The following MYO1E variants were observed in gnomAD, a reference collection of about 807,000 sequenced individuals.
MYO1E encodes unconventional myosin-Ie.
A neutral mutation model predicts 151.1 loss-of-function variants in MYO1E; 68 were observed. That is an observed-to-expected ratio of 0.45 (90% CI 0.37 to 0.55). MYO1E has a LOEUF of 0.55. Ranked by LOEUF, MYO1E falls within the 20% of genes least tolerant of loss-of-function variation. The pLI is 0.00. For missense variants in MYO1E, 1,363 were observed against 1,389.3 expected (o/e 0.98, Z 0.30); for synonymous variants, 601 against 501.7 (o/e 1.20, Z -2.64).
At chr15:59,301,840 G>C (rs2080484554) in intron 1 of MYO1E, among the ~76,000 whole-genome samples, 1 of 152,154 alleles carries the variant, frequency 6.6e-6, no homozygotes, top group Non-Finnish European at 1.5e-5. Context: ...TAGAGAACGG[G>C]AAAGCTAACC....
chr15:59,207,184 A>C (rs141146628), intron 14 of MYO1E: 6 of 1,614,236 alleles, frequency 3.7e-6, no homozygotes, highest in Admixed American at 1.7e-5. Flanking sequence ...ATCGGTGGGC[A>C]TGGCCTGCGC....
chr15:59,365,124 G>C (rs1471733218), intron 1 of MYO1E, among the ~76,000 whole-genome samples: 1 of 151,026 alleles, frequency 6.6e-6, no homozygotes, highest in Non-Finnish European at 1.5e-5. Flanking sequence ...GGTTCAAGCA[G>C]TTCTCCTGCC....
chr15:59,190,436 C>T (rs2079725992), intron 17 of MYO1E, among the ~76,000 whole-genome samples: 1 of 152,194 alleles, frequency 6.6e-6, no homozygotes. Flanking sequence ...GCTGTCTTCC[C>T]AGTAAGGCTC....
intron 2 of MYO1E, among the ~76,000 whole-genome samples, chr15:59,269,263 G>A (rs539323662): frequency 6.6e-6 from 1 of 152,170 alleles, no homozygotes; most frequent in South Asian, 2.1e-4. Context: ...GCCTTATGTG[G>A]GAGATTTTAT....
At chr15:59,262,935 TCGGGA>T (rs748803237) in intron 2 of MYO1E, among the ~76,000 whole-genome samples, 3 of 151,962 alleles carry the variant, frequency 2.0e-5, no homozygotes, top group Non-Finnish European at 4.4e-5. Flanking sequence ...TTTTAGATGC[TCGGGA>T]TATGACAGTG....
Position 59,221,044 on chromosome 15 carries a change from A to G in MYO1E, c.910+2015T>C, listed in dbSNP as rs975213720. Among the ~76,000 whole-genome samples the G allele has an allele frequency of 4.1e-5, 6 of 146,290 alleles. 1 individual carries two copies. Among genetic ancestry groups the G allele is most frequent in the African/African-American group, 1.5e-4 (6 of 40,166 alleles). On this transcript the variant is annotated intron_variant, in intron 9 of 27. Coordinates refer to ENST00000288235, the MANE Select transcript of MYO1E (RefSeq NM_004998.4). The stretch of plus-strand genomic sequence containing the variant: ...TAAAATTTATATATATATTATATAT[A>G]TATACACACACATAATTTTTTTTCC...
chr15:59,316,021 G>A (rs536633934), intron 1 of MYO1E, among the ~76,000 whole-genome samples: 180 of 152,298 alleles, frequency 1.2e-3, no homozygotes, highest in Non-Finnish European at 2.0e-3. Context: ...AAGTACCAGA[G>A]TGGTTTGGCT....
chr15:59,135,280 ACACAAGTGTAAAATGC>A lies in MYO1E; in HGVS notation c.*2084_*2099del, dbSNP rs1295380956. On this transcript the variant is annotated 3_prime_UTR_variant, in exon 28 of 28. Coordinates refer to ENST00000288235, the MANE Select transcript of MYO1E (RefSeq NM_004998.4). ...CTAGAGCCCGATGGTTCCCAGTTAC[ACACAAGTGTAAAATGC>A]CAATCAATCAATCAGGAGGAAAAAC... 2.6e-5 allele frequency: 4 copies of A among 152,214 alleles called. No individual in the cohort carries two copies. Among genetic ancestry groups the A allele is most frequent in the African/African-American group, 7.2e-5 (3 of 41,432 alleles). 9.4% of individuals were successfully genotyped at this position (152,214 alleles called of 1,614,324 possible). A position where few individuals can be genotyped will look rare whatever the true frequency, so the allele number is the denominator to read the frequency against.
intron 1 of MYO1E, among the ~76,000 whole-genome samples, chr15:59,351,779 A>G (rs2080824797): frequency 6.6e-6 from 1 of 152,204 alleles, no homozygotes; most frequent in Non-Finnish European, 1.5e-5. Flanking sequence ...TGGGAACAAC[A>G]GACAAAGACA....
At chr15:59,237,093 T>A (rs1438950224) in intron 4 of MYO1E, among the ~76,000 whole-genome samples, 4 of 152,130 alleles carry the variant, frequency 2.6e-5, no homozygotes, top group Non-Finnish European at 5.9e-5. Flanking sequence ...CAAAACATGA[T>A]TACAATTTTT....
At chr15:59,234,629 G>A (rs1180782581) in intron 5 of MYO1E, among the ~76,000 whole-genome samples, 2 of 152,014 alleles carry the variant, frequency 1.3e-5, no homozygotes, top group East Asian at 3.9e-4. Flanking sequence ...AGACCAGCCT[G>A]GGCAATGTGG....
chr15:59,270,666 T>A (rs1458556262), intron 2 of MYO1E, among the ~76,000 whole-genome samples: 3 of 150,884 alleles, frequency 2.0e-5, no homozygotes, highest in African/African-American at 7.3e-5. Flanking sequence ...GGAGACAGAG[T>A]CTTGCTCTGT....
intron 18 of MYO1E, among the ~76,000 whole-genome samples, chr15:59,185,522 C>CT (rs1489219990): frequency 2.0e-5 from 3 of 152,208 alleles, no homozygotes; most frequent in African/African-American, 7.2e-5. Flanking sequence ...CCACCTCGGC[C>CT]TCCCAAAGTG....
chr15:59,218,187 G>T, intron 9 of MYO1E, 100 bp from the exon 10 acceptor site: 2 of 1,394,742 alleles, frequency 1.4e-6, no homozygotes, highest in South Asian at 1.2e-5. Context: ...ATGCACGTGT[G>T]TGTGCATAGA....
At chr15:59,178,081 A>G (rs990504618) in intron 19 of MYO1E, among the ~76,000 whole-genome samples, 12 of 152,258 alleles carry the variant, frequency 7.9e-5, no homozygotes, top group Non-Finnish European at 1.3e-4. Flanking sequence ...TGGAACAAAG[A>G]GTCCCTGCCC....
At chr15:59,253,481 GT>G (rs5812967) in intron 4 of MYO1E, among the ~76,000 whole-genome samples, 1,593 of 126,874 alleles carry the variant, frequency 0.013, 24 homozygotes, top group African/African-American at 0.044. Flanking sequence ...GTCTGATCGA[GT>G]TTTTTTTTTT....
chr15:59,146,867 C>T (rs1227855460), intron 26 of MYO1E, among the ~76,000 whole-genome samples: 1 of 152,066 alleles, frequency 6.6e-6, no homozygotes, highest in Non-Finnish European at 1.5e-5. Flanking sequence ...TTGTACACAT[C>T]ACTTTATGTG....
At chr15:59,273,317 G>A (rs1187921935) in intron 1 of MYO1E, among the ~76,000 whole-genome samples, 1 of 152,182 alleles carries the variant, frequency 6.6e-6, no homozygotes. Context: ...TCAGCTACGT[G>A]ACAAGTTCTT....
intron 17 of MYO1E, among the ~76,000 whole-genome samples, chr15:59,190,865 C>T (rs779239835): frequency 1.3e-5 from 2 of 152,174 alleles, no homozygotes; most frequent in Non-Finnish European, 2.9e-5. Flanking sequence ...CAGGGATTCT[C>T]AGGAGCACTG....
Sources: allele counts gnomAD v4.1 joint callset (sites outside exome capture counted in the v4.1 genomes callset), GRCh38; gene constraint gnomAD v4.1.1; transcripts MANE v1.5; gene names NCBI Gene and HGNC (gene_info 2026-07-23, HGNC 2026-07-21).